Variants in ASAP2 observed in about 807,000 individuals in gnomAD.
The protein encoded by ASAP2 is ArfGAP with SH3 domain, ankyrin repeat and PH domain 2, also known as arf-GAP with SH3 domain, ANK repeat and PH domain-containing protein 2.
A neutral mutation model predicts 131.4 loss-of-function variants in ASAP2; 45 were observed. The observed-to-expected ratio is 0.34, with a 90% confidence interval of 0.27 to 0.44. ASAP2 has a LOEUF of 0.44. Ranked by LOEUF, ASAP2 falls within the 20% of genes least tolerant of loss-of-function variation. The pLI, the probability that ASAP2 is intolerant of heterozygous loss-of-function variation, is 1.00. For synonymous variants in ASAP2, 510 were observed against 503.0 expected, an observed-to-expected ratio of 1.01 and a Z score of -0.19; for missense variants, 1,011 against 1,297.0, an observed-to-expected ratio of 0.78 and a Z score of 3.39.
intron 14 of ASAP2, among the ~76,000 whole-genome samples, chr2:9,357,013 A>G (rs1050060016): frequency 6.6e-6 from 1 of 152,166 alleles, no homozygotes; most frequent in African/African-American, 2.4e-5. Context: ...TTATAAAATG[A>G]AAAAGATGGA....
At chr2:9,395,327 T>G (rs1676027780) in intron 24 of ASAP2, among the ~76,000 whole-genome samples, 1 of 151,850 alleles carries the variant, frequency 6.6e-6, no homozygotes, top group Non-Finnish European at 1.5e-5. Flanking sequence ...ACAAAAAAAT[T>G]AGCTGGGCAT....
At chr2:9,371,792 A>G (rs557635783) in intron 16 of ASAP2, among the ~76,000 whole-genome samples, 2 of 151,920 alleles carry the variant, frequency 1.3e-5, no homozygotes, top group Non-Finnish European at 2.9e-5. Flanking sequence ...TCATTATGTT[A>G]ATTGTTTTTC....
At chr2:9,271,075 G>A (rs968985448) in intron 1 of ASAP2, among the ~76,000 whole-genome samples, 2 of 151,216 alleles carry the variant, frequency 1.3e-5, no homozygotes, top group Admixed American at 1.3e-4. Flanking sequence ...TTACAGGCGT[G>A]AGCCACCGCG....
chr2:9,271,983 A>G (rs1666433726), intron 1 of ASAP2, among the ~76,000 whole-genome samples: 1 of 152,074 alleles, frequency 6.6e-6, no homozygotes. Flanking sequence ...GATTGTTTCC[A>G]AATCTTGGCC....
intron 2 of ASAP2, among the ~76,000 whole-genome samples, chr2:9,294,153 C>T (rs1161613051): frequency 6.6e-6 from 1 of 151,974 alleles, no homozygotes; most frequent in African/African-American, 2.4e-5. Context: ...CATGTGCCAC[C>T]ATGCCTGGCT....
At chr2:9,236,138 A>C (rs1663537598) in intron 1 of ASAP2, among the ~76,000 whole-genome samples, 1 of 151,904 alleles carries the variant, frequency 6.6e-6, no homozygotes, top group South Asian at 2.1e-4. Flanking sequence ...AGGGCCGGTC[A>C]GGGAGGGACA....
chr2:9,222,475 C>T (rs895299228), intron 1 of ASAP2, among the ~76,000 whole-genome samples: 12 of 152,202 alleles, frequency 7.9e-5, no homozygotes, highest in Non-Finnish European at 1.8e-4. Context: ...GTGAGTGTGG[C>T]TGGTGTTTTG....
chr2:9,241,572 T>C (rs775426258), intron 1 of ASAP2, among the ~76,000 whole-genome samples: 15 of 152,118 alleles, frequency 9.9e-5, no homozygotes, highest in Non-Finnish European at 1.8e-4. Context: ...CGAAACCCCA[T>C]CTTTTACCCA....
At chr2:9,346,287 C>T (rs534521080) in intron 11 of ASAP2, among the ~76,000 whole-genome samples, 1 of 152,150 alleles carries the variant, frequency 6.6e-6, no homozygotes, top group South Asian at 2.1e-4. Flanking sequence ...ATTAGCCAGG[C>T]ATGGTGGTGC....
Position 9,347,434 on chromosome 2 carries a change from G to GA in ASAP2, c.1023+2640dup, listed in dbSNP as rs1407954041. Among the ~76,000 whole-genome samples the GA allele has an allele frequency of 3.9e-5, 6 of 152,218 alleles. No individual in the cohort carries two copies. In the East Asian group the frequency reaches 7.7e-4, roughly 20 times the overall value. On this transcript the variant is annotated intron_variant, in intron 11 of 27. Coordinates refer to ENST00000281419, the MANE Select transcript of ASAP2 (RefSeq NM_003887.3). Reference sequence around the variant, plus strand: ...CCTGAGTGTGCTCGTTTACAGTCAGGAAAAAAGGGCACATTTCCAAAGACT... The same window carrying GA: ...CCTGAGTGTGCTCGTTTACAGTCAGGAAAAAAAGGGCACATTTCCAAAGACT...
chr2:9,266,545 T>C (rs2148230200), intron 1 of ASAP2, among the ~76,000 whole-genome samples: 1 of 152,260 alleles, frequency 6.6e-6, no homozygotes, highest in African/African-American at 2.4e-5. Context: ...CCAGCTTCCC[T>C]CACTGCTGGG....
intron 3 of ASAP2, among the ~76,000 whole-genome samples, chr2:9,306,554 G>T (rs62121347): frequency 0.047 from 7,205 of 151,890 alleles, 200 homozygotes; most frequent in Non-Finnish European, 0.068. Context: ...CCTGTTTCTG[G>T]GCCCCAGGGA....
At chr2:9,302,255 C>G (rs534562963) in intron 3 of ASAP2, among the ~76,000 whole-genome samples, 14 of 150,946 alleles carry the variant, frequency 9.3e-5, no homozygotes, top group African/African-American at 3.4e-4. Context: ...TCACTGCAGC[C>G]TCTGCCTCTC....
intron 9 of ASAP2, 51 bp from the exon 10 acceptor site, chr2:9,344,480 TA>T: frequency 6.7e-7 from 1 of 1,490,384 alleles, no homozygotes; most frequent in Non-Finnish European, 9.2e-7. Flanking sequence ...ACTGCTTTTC[TA>T]AAAATTAGGA....
At chr2:9,279,519 A>G in intron 2 of ASAP2, 130 bp downstream of exon 2, 1 of 808,934 alleles carries the variant, frequency 1.2e-6, no homozygotes, top group East Asian at 2.6e-5. Flanking sequence ...CAGATCACAG[A>G]GGTGAGCTGG....
At chr2:9,382,470 C>T (rs1405338888) in intron 20 of ASAP2, among the ~76,000 whole-genome samples, 1 of 152,244 alleles carries the variant, frequency 6.6e-6, no homozygotes, top group African/African-American at 2.4e-5. Flanking sequence ...ATTAACTTCT[C>T]TTCTGCACAT....
At position 9,378,566 on chromosome 2, in the gene ASAP2, A is replaced by C. The variant is rs563540421; in HGVS notation, c.1833-378A>C. On this transcript the variant is annotated intron_variant, in intron 18 of 27. Coordinates refer to ENST00000281419, the MANE Select transcript of ASAP2 (RefSeq NM_003887.3). ...GGCATCCAGAGGCCCTGCATCCAGCACAGCTGGCCGGCCTAGCACAGCAGC... is the reference window on the plus strand; with the variant it reads ...GGCATCCAGAGGCCCTGCATCCAGCCCAGCTGGCCGGCCTAGCACAGCAGC... 2.0e-5 allele frequency among the ~76,000 whole-genome samples: 3 copies of C among 152,332 alleles called. No homozygotes were observed. The East Asian group carries it at 5.8e-4, about 29-fold the overall frequency.
chr2:9,279,230 C>T, intron 1 of ASAP2, 87 bp from the exon 2 acceptor site: 4 of 1,280,698 alleles, frequency 3.1e-6, no homozygotes, highest in Non-Finnish European at 3.4e-6. Context: ...CTGGCAGAGG[C>T]AATCAGAGTG....
intron 27 of ASAP2, among the ~76,000 whole-genome samples, chr2:9,402,409 C>T (rs1197470047): frequency 6.6e-6 from 1 of 152,208 alleles, no homozygotes; most frequent in Non-Finnish European, 1.5e-5. Context: ...GCAGGCGGAA[C>T]ACTTGAGGTC....
Sources: gnomAD v4.1 joint callset for allele counts (sites outside exome capture counted in the v4.1 genomes callset) on GRCh38, gnomAD v4.1.1 for gene constraint, MANE v1.5 for transcripts, NCBI Gene and HGNC (gene_info 2026-07-23, HGNC 2026-07-21) for gene names.